ANO3: variants seen among roughly 807,000 people sequenced by gnomAD.
ANO3 encodes anoctamin 3.
Under a neutral mutation model 144.8 loss-of-function variants are expected in ANO3, and 99 were observed. The ratio of observed to expected loss-of-function variants is 0.68; its 90% CI spans 0.58 to 0.81. ANO3 has a LOEUF of 0.81. Ranked by LOEUF, ANO3 falls within the 30% of genes least tolerant of loss-of-function variation. ANO3 has a pLI of 0.00. For missense variants in ANO3, 905 were observed against 1,202.2 expected, an observed-to-expected ratio of 0.75 and a Z score of 3.66; for synonymous variants, 414 against 392.6, an observed-to-expected ratio of 1.05 and a Z score of -0.64.
At chr11:26,626,326 G>A (rs1325186931) in intron 18 of ANO3, among the ~76,000 whole-genome samples, 1 of 152,198 alleles carries the variant, frequency 6.6e-6, no homozygotes. Flanking sequence ...AAACTCCTGA[G>A]GAAAGGAGCA....
At chr11:26,594,831 C>T (rs1165527362) in intron 14 of ANO3, among the ~76,000 whole-genome samples, 1 of 152,034 alleles carries the variant, frequency 6.6e-6, no homozygotes, top group Non-Finnish European at 1.5e-5. Flanking sequence ...CTCTATTTGC[C>T]CTCCTTTCTA....
intron 1 of ANO3, among the ~76,000 whole-genome samples, chr11:26,421,232 G>C (rs1857743322): frequency 6.6e-6 from 1 of 151,992 alleles, no homozygotes; most frequent in African/African-American, 2.4e-5. Context: ...TTTATCACTA[G>C]CAATAATGTC....
At chr11:26,534,729 CAAAAA>C (rs567735847) in intron 9 of ANO3, among the ~76,000 whole-genome samples, 167 bp downstream of exon 9, 1 of 151,566 alleles carries the variant, frequency 6.6e-6, no homozygotes, top group Non-Finnish European at 1.5e-5. Flanking sequence ...TTTAATAAAA[CAAAAA>C]AAACTTTTTT....
At chr11:26,599,438 G>A in intron 16 of ANO3, 112 bp from the exon 17 acceptor site, 2 of 1,080,588 alleles carry the variant, frequency 1.9e-6, no homozygotes, top group Non-Finnish European at 2.6e-6. Flanking sequence ...ATCCTTTCTT[G>A]GAAAGGTAAA....
chr11:26,477,285 A>G (rs1860020736), intron 4 of ANO3, among the ~76,000 whole-genome samples: 1 of 152,120 alleles, frequency 6.6e-6, no homozygotes, highest in African/African-American at 2.4e-5. Context: ...ATTATGCTTT[A>G]TATCATTTGA....
Position 26,385,850 on chromosome 11 carries a change from CAT to C in ANO3, c.46+53536_46+53537del, listed in dbSNP as rs750362271. On this transcript the variant is annotated intron_variant, in intron 1 of 26. Transcript: ENST00000256737. ...ACACACACACACACACACACACACA[CAT>C]ATATATGTGGTGATAGATTTGTGTG... Among the ~76,000 whole-genome samples the C allele has an allele frequency of 4.6e-4, 66 of 142,762 alleles. 1 individual carries two copies. Among genetic ancestry groups the C allele is most frequent in the Admixed American group, 1.9e-3 (27 of 14,210 alleles). 93.7% of individuals were successfully genotyped at this position (142,762 alleles called of 152,430 possible).
intron 26 of ANO3, among the ~76,000 whole-genome samples, chr11:26,658,713 G>A (rs1468831003): frequency 6.6e-6 from 1 of 152,036 alleles, no homozygotes; most frequent in Non-Finnish European, 1.5e-5. Context: ...ATACCCTTGA[G>A]GCACATTCCT....
At chr11:26,404,227 C>G (rs565192546) in intron 1 of ANO3, among the ~76,000 whole-genome samples, 1 of 151,842 alleles carries the variant, frequency 6.6e-6, no homozygotes, top group Admixed American at 6.6e-5. Flanking sequence ...TGAATTAGAA[C>G]ATGAAACTAC....
rs373876902 is a variant in ANO3 at position 26,309,638 on chromosome 11, C to G, written c.-84C>G. ...TTTTTATTTTTCTCTTTTGTTCTCTCTCACAGGTCTGCAAAAGTTGTGCTT... is the reference window on the plus strand; with the variant it reads ...TTTTTATTTTTCTCTTTTGTTCTCTGTCACAGGTCTGCAAAAGTTGTGCTT... On this transcript the variant is annotated 5_prime_UTR_variant, in exon 1 of 27. Transcript: ENST00000525139. The G allele has an allele frequency of 1.4e-4, 137 of 985,154 alleles. No homozygotes were observed. The African/African-American group carries it at 2.2e-3, about 16-fold the overall frequency. The allele number at this position is 985,154 out of a possible 1,614,324, so 61.0% of individuals were successfully genotyped here.
At chr11:26,504,745 C>A (rs573654023) in intron 4 of ANO3, among the ~76,000 whole-genome samples, 1 of 151,448 alleles carries the variant, frequency 6.6e-6, no homozygotes, top group South Asian at 2.1e-4. Flanking sequence ...AGAAGCCCGC[C>A]GGGCGCGGTG....
intron 1 of ANO3, among the ~76,000 whole-genome samples, chr11:26,317,703 T>C (rs1163684423): frequency 6.6e-6 from 1 of 152,160 alleles, no homozygotes; most frequent in Non-Finnish European, 1.5e-5. Flanking sequence ...AGTGTGGAGA[T>C]TCCTCAAGGA....
intron 1 of ANO3, among the ~76,000 whole-genome samples, chr11:26,366,334 T>C (rs914450072): frequency 2.0e-5 from 3 of 152,186 alleles, no homozygotes; most frequent in Admixed American, 6.5e-5. Flanking sequence ...TCATCATTTT[T>C]TATGGCTGCA....
chr11:26,577,807 G>A (rs1424692629), intron 14 of ANO3, among the ~76,000 whole-genome samples: 1 of 152,148 alleles, frequency 6.6e-6, no homozygotes, highest in Non-Finnish European at 1.5e-5. Flanking sequence ...AGAGTTGAGG[G>A]CATTTGCACC....
chr11:26,521,760 A>G (rs1429942606), intron 6 of ANO3, among the ~76,000 whole-genome samples: 1 of 152,192 alleles, frequency 6.6e-6, no homozygotes, highest in African/African-American at 2.4e-5. Context: ...AGTTCAGCAC[A>G]TTTTAAGACA....
chr11:26,625,096 T>G (rs989593470), intron 18 of ANO3, among the ~76,000 whole-genome samples: 3 of 152,104 alleles, frequency 2.0e-5, no homozygotes, highest in Non-Finnish European at 4.4e-5. Context: ...CGGCTCATTT[T>G]TTGTATTTTT....
rs16915722 is a variant in ANO3 at position 26,491,253 on chromosome 11, A to G, written c.433-16851A>G. On this transcript the variant is annotated intron_variant, in intron 4 of 26. Transcript: ENST00000256737. ...AGTTATGATTTTAAGGGTTAGTTAT[A>G]AATTTTAAGAATGAATTAGTGAATC... 8.2e-3 allele frequency among the ~76,000 whole-genome samples: 1,256 copies of G among 152,290 alleles called. 17 individuals are homozygous for G. The highest frequency in any genetic ancestry group is 0.029 in the African/African-American group (1,186 of 41,552).
At chr11:26,231,395 G>A (rs888334735) in intron 1 of ANO3, among the ~76,000 whole-genome samples, 3 of 151,746 alleles carry the variant, frequency 2.0e-5, no homozygotes, top group Non-Finnish European at 4.4e-5. Flanking sequence ...CCACAGCCAC[G>A]CATTTTTTTT....
intron 1 of ANO3, among the ~76,000 whole-genome samples, chr11:26,299,459 T>A (rs944781253): frequency 5.9e-5 from 9 of 152,214 alleles, no homozygotes; most frequent in Non-Finnish European, 8.8e-5. Context: ...TAACTTTATC[T>A]GCTTTTGTGG....
At chr11:26,536,764 A>C (rs1436290684) in intron 9 of ANO3, among the ~76,000 whole-genome samples, 1 of 152,118 alleles carries the variant, frequency 6.6e-6, no homozygotes, top group African/African-American at 2.4e-5. Flanking sequence ...TGTGCTATAA[A>C]AATTAAATGA....
Sources: allele counts gnomAD v4.1 joint callset (sites outside exome capture counted in the v4.1 genomes callset), GRCh38; gene constraint gnomAD v4.1.1; transcripts MANE v1.5; gene names NCBI Gene and HGNC (gene_info 2026-07-23, HGNC 2026-07-21).